VIPR2: variants seen among roughly 807,000 people sequenced by gnomAD.
VIPR2 encodes vasoactive intestinal peptide receptor 2.
Under a neutral mutation model 58.0 loss-of-function variants are expected in VIPR2, and 48 were observed. The ratio of observed to expected loss-of-function variants is 0.83; its 90% CI spans 0.66 to 1.05. The LOEUF (loss-of-function observed/expected upper bound fraction) is 1.05, where lower values mean the gene tolerates loss of function less well. Among genes scored for constraint, VIPR2 ranks in the 50% least tolerant of loss-of-function variants. The probability of loss-of-function intolerance (pLI) is 0.00; values close to 1 mark genes in which losing one functional copy is unlikely to be tolerated. For missense variants in VIPR2, 534 were observed against 558.0 expected (o/e 0.96, Z 0.43); for synonymous variants, 243 against 235.2 (o/e 1.03, Z -0.30).
intron 1 of VIPR2, among the ~76,000 whole-genome samples, chr7:159,143,451 T>C (rs1032130769): frequency 6.6e-6 from 1 of 151,874 alleles, no homozygotes; most frequent in Non-Finnish European, 1.5e-5. Flanking sequence ...ACTATGGCCA[T>C]CTATGTTTAG....
intron 2 of VIPR2, among the ~76,000 whole-genome samples, chr7:159,126,013 C>T (rs1796637737): frequency 6.6e-6 from 1 of 152,164 alleles, no homozygotes. Context: ...CAGAATGAAG[C>T]TGATGAAACA....
At chr7:159,036,094 C>G (rs1284945104) in intron 7 of VIPR2, 82 bp from the exon 8 acceptor site, 7 of 1,468,226 alleles carry the variant, frequency 4.8e-6, no homozygotes, top group Non-Finnish European at 6.4e-6. Context: ...GCAAAACCCT[C>G]AAGGACACGC....
chr7:159,106,008 C>G (rs2129496056), intron 3 of VIPR2, among the ~76,000 whole-genome samples: 1 of 152,326 alleles, frequency 6.6e-6, no homozygotes, highest in Non-Finnish European at 1.5e-5. Flanking sequence ...ATGAGACGGC[C>G]AAGGCTGAGG....
intron 2 of VIPR2, among the ~76,000 whole-genome samples, chr7:159,126,369 G>A (rs1028129923): frequency 1.3e-5 from 2 of 152,210 alleles, no homozygotes; most frequent in African/African-American, 4.8e-5. Context: ...GTGATATGAG[G>A]AGAGCTACAT....
chr7:159,042,805 C>T (rs1854426538), intron 6 of VIPR2, among the ~76,000 whole-genome samples: 1 of 152,198 alleles, frequency 6.6e-6, no homozygotes, highest in South Asian at 2.1e-4. Context: ...CTTCCCAGCC[C>T]TGATGATGCC....
chr7:159,044,452 C>T (rs1331008828), intron 5 of VIPR2, among the ~76,000 whole-genome samples: 1 of 151,794 alleles, frequency 6.6e-6, no homozygotes, highest in African/African-American at 2.4e-5. Context: ...GAAAATATGG[C>T]CCATTTACAG....
Position 159,043,298 on chromosome 7 carries a change from A to G in VIPR2, c.456-122T>C, listed in dbSNP as rs1854459132. Reference sequence around the variant, plus strand: ...GAAGCACAGAAAAATAAAAGAGTTGAGGGCATGAAGCAGATTTCACCATGA... The same window carrying G: ...GAAGCACAGAAAAATAAAAGAGTTGGGGGCATGAAGCAGATTTCACCATGA... On this transcript the variant is annotated intron_variant, in intron 5 of 12. Transcript: ENST00000262178. The G allele has an allele frequency of 3.4e-6, 3 of 874,584 alleles. No individual in the cohort carries two copies. In the African/African-American group the frequency reaches 5.2e-5, roughly 15 times the overall value. 54.2% of individuals were successfully genotyped at this position (874,584 alleles called of 1,614,324 possible).
Position 159,093,578 on chromosome 7 carries a change from C to T in VIPR2, c.357+10179G>A, listed in dbSNP as rs369029280. 5.3e-5 allele frequency among the ~76,000 whole-genome samples: 8 copies of T among 152,334 alleles called. No homozygotes were observed. Among genetic ancestry groups the T allele is most frequent in the South Asian group, 2.1e-4 (1 of 4,830 alleles). On this transcript the variant is annotated intron_variant, in intron 4 of 12. Coordinates refer to ENST00000262178, the MANE Select transcript of VIPR2 (RefSeq NM_003382.5). The surrounding 1 kb of genome is among the most constrained non-coding windows in gnomAD (Gnocchi z 6.7). ...CCTGGAGTCTGTCAGTGCAGAGCAG[C>T]GCTGGGCTCAGGATCCGAGATGGGA...
At position 159,036,795 on chromosome 7, in the gene VIPR2, G is replaced by A. The variant is rs781392198; in HGVS notation, c.705C>T (p.Leu235=). The A allele has an allele frequency of 2.2e-5, 36 of 1,613,828 alleles. No homozygotes were observed. The highest frequency in any genetic ancestry group is 2.9e-5 in the Non-Finnish European group (34 of 1,179,972). ...LYLHTLLVAM[L]PPRRCFLAYL... is the part of the protein sequence containing the mutation. ...AGGCCAGGAAGCACCTTCTAGGGGG[G>A]AGCATGGCCACCAGGAGGGTGTGGA... is the stretch of plus-strand genomic sequence containing the variant. Residue 235 remains leucine (L), a synonymous_variant, in exon 7 of 13, where the codon CTC becomes CTT. Transcript: ENST00000262178.
At chr7:159,058,362 AT>A (rs1855442167) in intron 5 of VIPR2, 118 bp downstream of exon 5, 1 of 755,166 alleles carries the variant, frequency 1.3e-6, no homozygotes, top group South Asian at 1.5e-5. Flanking sequence ...AGCATTCTCC[AT>A]GGGAGTCTTA....
chr7:159,080,924 C>T (rs1388802110), intron 4 of VIPR2, among the ~76,000 whole-genome samples: 1 of 152,024 alleles, frequency 6.6e-6, no homozygotes, highest in South Asian at 2.1e-4. Flanking sequence ...TGTGAAGGAC[C>T]TCTTCAAGGA....
intron 4 of VIPR2, among the ~76,000 whole-genome samples, chr7:159,066,804 A>G (rs1380995814): frequency 1.3e-5 from 2 of 152,240 alleles, no homozygotes; most frequent in African/African-American, 4.8e-5. Flanking sequence ...TAGCAAGAAA[A>G]CTAAATTTGT....
chr7:159,069,881 T>C (rs1282419347), intron 4 of VIPR2, among the ~76,000 whole-genome samples: 1 of 152,182 alleles, frequency 6.6e-6, no homozygotes, highest in African/African-American at 2.4e-5. Context: ...GAGCTGAAGA[T>C]TGGGTGTAAT....
intron 2 of VIPR2, among the ~76,000 whole-genome samples, chr7:159,122,416 G>A (rs889191356): frequency 5.3e-5 from 8 of 152,228 alleles, no homozygotes; most frequent in South Asian, 4.1e-4. Context: ...GGGTCTGGAC[G>A]TCATCTCCTG....
At chr7:159,062,477 G>T (rs1455939881) in intron 4 of VIPR2, among the ~76,000 whole-genome samples, 1 of 152,138 alleles carries the variant, frequency 6.6e-6, no homozygotes, top group South Asian at 2.1e-4. Flanking sequence ...CAAGAGTGAA[G>T]CTGCAGACCT....
Position 159,029,588 on chromosome 7 carries a change from C to G in VIPR2, c.*1028G>C, listed in dbSNP as rs375275638. On this transcript the variant is annotated 3_prime_UTR_variant, in exon 13 of 13. Coordinates refer to ENST00000262178, the MANE Select transcript of VIPR2 (RefSeq NM_003382.5). Reference sequence around the variant, plus strand: ...TCCCGCACCCCACGTAACCCCATCACCAGGGGCCCGCAGGCCTGGCCGCAG... The same window carrying G: ...TCCCGCACCCCACGTAACCCCATCAGCAGGGGCCCGCAGGCCTGGCCGCAG... 1.3e-5 allele frequency: 2 copies of G among 152,266 alleles called. No homozygotes were observed. Among genetic ancestry groups the G allele is most frequent in the African/African-American group, 4.8e-5 (2 of 41,464 alleles). 9.4% of individuals were successfully genotyped at this position (152,266 alleles called of 1,614,324 possible).
At chr7:159,036,964 A>G in intron 6 of VIPR2, 62 bp from the exon 7 acceptor site, 1 of 1,562,786 alleles carries the variant, frequency 6.4e-7, no homozygotes, top group East Asian at 2.3e-5. Flanking sequence ...AGCTACCAGC[A>G]GGCAGTGCCG....
At position 159,133,594 on chromosome 7, in the gene VIPR2, G is replaced by A. The variant is rs568145411; in HGVS notation, c.151+8852C>T. ...ACCGACCAGTGAGTTTTATATTATC[G>A]TTCCTGGCACAGGGCTACAATTTGA... On this transcript the variant is annotated intron_variant, in intron 2 of 12. Coordinates refer to ENST00000262178, the MANE Select transcript of VIPR2 (RefSeq NM_003382.5). Among the ~76,000 whole-genome samples the A allele has an allele frequency of 7.2e-4, 109 of 152,274 alleles. 1 individual carries two copies. The highest frequency in any genetic ancestry group is 2.5e-3 in the African/African-American group (105 of 41,542).
rs1237957936 is a variant in VIPR2 at position 159,128,541 on chromosome 7, A to T, written c.151+13905T>A. ...CAGCAGCTTTGGCAGTCCCTACCAG[A>T]GGCACTTTCCTCGCCTCTGACCCTG... On this transcript the variant is annotated intron_variant, in intron 2 of 12. Coordinates refer to ENST00000262178, the MANE Select transcript of VIPR2 (RefSeq NM_003382.5). The surrounding 1 kb of genome is among the most constrained non-coding windows in gnomAD (Gnocchi z 4.1). Among the ~76,000 whole-genome samples the T allele has an allele frequency of 6.6e-6, 1 of 151,958 alleles. No homozygotes were observed. The highest frequency in any genetic ancestry group is 1.5e-5 in the Non-Finnish European group (1 of 67,970).
Sources: gnomAD v4.1 joint callset for allele counts (sites outside exome capture counted in the v4.1 genomes callset) on GRCh38, gnomAD v4.1.1 for gene constraint, Gnocchi (gnomAD v3.1) non-coding constraint, MANE v1.5 for transcripts, NCBI Gene and HGNC (gene_info 2026-07-23, HGNC 2026-07-21) for gene names.